Variants in RIMS2 observed in about 807,000 individuals in gnomAD.
RIMS2 encodes the protein regulating synaptic membrane exocytosis protein 2.
In RIMS2, 59 loss-of-function variants were observed where a neutral mutation model predicts 174.4. That is an observed-to-expected ratio of 0.34 (90% CI 0.27 to 0.42). The LOEUF (loss-of-function observed/expected upper bound fraction) is 0.42, where lower values mean the gene tolerates loss of function less well. Among genes scored for constraint, RIMS2 ranks in the 10% least tolerant of loss-of-function variants. The pLI is 1.00. For synonymous variants in RIMS2, 606 were observed against 572.5 expected, an observed-to-expected ratio of 1.06 and a Z score of -0.84; for missense variants, 1,620 against 1,666.3, an observed-to-expected ratio of 0.97 and a Z score of 0.48.
chr8:103,885,493 G>A (rs750304080), exon 4 of RIMS2: 10 of 1,612,738 alleles, frequency 6.2e-6, no homozygotes, highest in Non-Finnish European at 8.5e-6. Context: ...ACTCCAACAG[G>A]AGAAGTCATA....
intron 19 of RIMS2, among the ~76,000 whole-genome samples, chr8:104,189,431 C>G (rs1348888): frequency 0.42 from 62,947 of 151,522 alleles, 13,617 homozygotes; most frequent in East Asian, 0.65. Flanking sequence ...TGTGTCCCTT[C>G]ACTTCTGTTA....
intron 19 of RIMS2, among the ~76,000 whole-genome samples, chr8:104,129,693 C>A (rs1029839772): frequency 2.0e-5 from 3 of 152,126 alleles, no homozygotes; most frequent in Non-Finnish European, 2.9e-5. Flanking sequence ...ACTGGAAATT[C>A]TTTATTATTT....
chr8:104,225,028 A>G lies in RIMS2; in HGVS notation c.3335-19888A>G, dbSNP rs115491093. On this transcript the variant is annotated intron_variant, in intron 19 of 23. Coordinates refer to ENST00000504942, the Ensembl canonical transcript of RIMS2. The stretch of plus-strand genomic sequence containing the variant: ...GTTTACGTTTCACTTGCTTCCTATA[A>G]TTAAATATTTAAAATTCTAGGAAAT... Among the ~76,000 whole-genome samples, 1,132 of 152,306 alleles carry G rather than the reference A, an allele frequency of 7.4e-3. 10 individuals are homozygous for G. The highest frequency in any genetic ancestry group is 0.025 in the African/African-American group (1,052 of 41,548).
chr8:103,931,338 G>A, exon 12 of RIMS2: 1 of 1,604,330 alleles, frequency 6.2e-7, no homozygotes, highest in Non-Finnish European at 8.5e-7. Flanking sequence ...CCCTTCCAGG[G>A]AAGATGGGAG....
chr8:103,599,793 T>C (rs896549060), intron 1 of RIMS2, among the ~76,000 whole-genome samples: 14 of 152,040 alleles, frequency 9.2e-5, no homozygotes, highest in Non-Finnish European at 1.5e-4. Flanking sequence ...TAAATATATA[T>C]AGGGTACATG....
At chr8:103,859,033 T>G (rs1263909453) in intron 3 of RIMS2, among the ~76,000 whole-genome samples, 1 of 152,130 alleles carries the variant, frequency 6.6e-6, no homozygotes, top group Non-Finnish European at 1.5e-5. Flanking sequence ...TACTACAAGA[T>G]AGATCATGAG....
chr8:104,234,377 T>C (rs2099247918), intron 19 of RIMS2, among the ~76,000 whole-genome samples: 2 of 151,980 alleles, frequency 1.3e-5, no homozygotes, highest in South Asian at 2.1e-4. Flanking sequence ...CAGGCACAGG[T>C]ATCAGTGGAC....
intron 1 of RIMS2, among the ~76,000 whole-genome samples, chr8:103,515,322 A>G (rs1343456917): frequency 6.6e-6 from 1 of 152,202 alleles, no homozygotes; most frequent in Non-Finnish European, 1.5e-5. Flanking sequence ...ATTCATTAAT[A>G]TACTTTCACA....
intron 19 of RIMS2, among the ~76,000 whole-genome samples, chr8:104,017,586 A>AC (rs1249817564): frequency 6.6e-5 from 10 of 150,548 alleles, no homozygotes; most frequent in Non-Finnish European, 1.5e-4. Context: ...AAGTTATATA[A>AC]CTTTTTTTAG....
At chr8:103,866,070 C>G (rs2099083081) in intron 3 of RIMS2, among the ~76,000 whole-genome samples, 1 of 152,082 alleles carries the variant, frequency 6.6e-6, no homozygotes, top group African/African-American at 2.4e-5. Flanking sequence ...AATTTATAAA[C>G]TTTCTTAGAA....
intron 1 of RIMS2, among the ~76,000 whole-genome samples, chr8:103,505,545 A>G (rs1012166694): frequency 6.6e-6 from 1 of 152,170 alleles, no homozygotes; most frequent in Non-Finnish European, 1.5e-5. Flanking sequence ...TTTAGTATTT[A>G]TCACAGTATT....
chr8:104,252,720 A>T (rs1347297083), downstream of RIMS2: 1 of 152,226 alleles, frequency 6.6e-6, no homozygotes, highest in Non-Finnish European at 1.5e-5. Context: ...TCTAGAAGAT[A>T]CTTAAAATTC....
At chr8:103,797,849 C>G (rs2098561662) in intron 3 of RIMS2, among the ~76,000 whole-genome samples, 1 of 152,042 alleles carries the variant, frequency 6.6e-6, no homozygotes, top group African/African-American at 2.4e-5. Flanking sequence ...GACCTATGTC[C>G]CAGTTTGTCA....
intron 3 of RIMS2, among the ~76,000 whole-genome samples, chr8:103,770,406 TC>T (rs1194844541): frequency 6.6e-6 from 1 of 152,150 alleles, no homozygotes; most frequent in Non-Finnish European, 1.5e-5. Flanking sequence ...TGAAACCCCG[TC>T]TTTACTAAAA....
intron 1 of RIMS2, among the ~76,000 whole-genome samples, chr8:103,680,319 A>G (rs1414420179): frequency 6.6e-6 from 1 of 152,000 alleles, no homozygotes. Context: ...GGAATATAGG[A>G]TCTCTATATG....
chr8:103,897,135 A>AT (rs1444973858), intron 4 of RIMS2, among the ~76,000 whole-genome samples: 3 of 151,408 alleles, frequency 2.0e-5, no homozygotes, highest in African/African-American at 4.9e-5. Flanking sequence ...AATCTTGTGA[A>AT]TTTTTTTCCC....
At chr8:104,245,971 G>A (rs1380116432) in intron 20 of RIMS2, among the ~76,000 whole-genome samples, 1 of 152,120 alleles carries the variant, frequency 6.6e-6, no homozygotes, top group Non-Finnish European at 1.5e-5. Flanking sequence ...AGTTGAGGTC[G>A]GGGGGAGAAA....
chr8:103,779,215 ATTG>A (rs1420947776), intron 3 of RIMS2, among the ~76,000 whole-genome samples: 5 of 151,794 alleles, frequency 3.3e-5, no homozygotes, highest in Non-Finnish European at 5.9e-5. Flanking sequence ...CATTTTGTTT[ATTG>A]TTTTCTTTTC....
In RIMS2 at chr8:103,789,907, C is replaced by T. The variant is rs371016140; in HGVS notation, c.698+23370C>T. Among the ~76,000 whole-genome samples, 6 of 151,828 alleles carry T rather than the reference C, an allele frequency of 4.0e-5. No homozygotes were observed. The East Asian group carries it at 9.7e-4, about 24-fold the overall frequency. On this transcript the variant is annotated intron_variant, in intron 3 of 23. Coordinates refer to ENST00000504942, the Ensembl canonical transcript of RIMS2. ...AGCTGGGACTACAAGTGTGTGCTAC[C>T]ATGTCCAGATATTTTTTTCTATTTT...
Sources: allele counts gnomAD v4.1 joint callset (sites outside exome capture counted in the v4.1 genomes callset), GRCh38; gene constraint gnomAD v4.1.1; transcripts MANE v1.5; gene names NCBI Gene and HGNC (gene_info 2026-07-23, HGNC 2026-07-21).